Variants in GOLGB1 observed in about 807,000 individuals in gnomAD.
The protein encoded by GOLGB1 is golgin subfamily B member 1.
A neutral mutation model predicts 336.9 loss-of-function variants in GOLGB1; 174 were observed. That is an observed-to-expected ratio of 0.52 (90% CI 0.46 to 0.59). The LOEUF (loss-of-function observed/expected upper bound fraction) is 0.59. GOLGB1 is among the 20% of genes least tolerant of loss of function. The pLI is 0.00. For synonymous variants in GOLGB1, 1,208 were observed against 1,289.2 expected (o/e 0.94, Z 1.35); for missense variants, 3,331 against 3,645.3 (o/e 0.91, Z 2.22).
chr3:121,716,703 G>A (rs1037308350), intron 9 of GOLGB1, 34 bp downstream of exon 9: 1 of 1,528,394 alleles, frequency 6.5e-7, no homozygotes, highest in Non-Finnish European at 8.9e-7. Context: ...TCAGATGGTA[G>A]AGATGTGGAC....
At chr3:121,701,777 A>G (rs1943432518) in intron 11 of GOLGB1, among the ~76,000 whole-genome samples, 1 of 152,168 alleles carries the variant, frequency 6.6e-6, no homozygotes, top group Non-Finnish European at 1.5e-5. Context: ...AAGATGGAAA[A>G]AAAAATGGCC....
rs375260639 is a variant in GOLGB1 at position 121,722,390 on chromosome 3, G to A, written c.532-12C>T. ...ATCTCTGTAGAACTCTTATCAAACCGAAGACATAGAAGGAAAAAAAATTAT... is the reference window on the plus strand; with the variant it reads ...ATCTCTGTAGAACTCTTATCAAACCAAAGACATAGAAGGAAAAAAAATTAT... On this transcript the variant is annotated splice_polypyrimidine_tract_variant and intron_variant, in intron 5 of 21. Transcript: ENST00000614479. The A allele has an allele frequency of 2.8e-4, 377 of 1,365,862 alleles. No individual in the cohort carries two copies. The highest frequency in any genetic ancestry group is 3.7e-4 in the Non-Finnish European group (358 of 957,026). 84.6% of individuals were successfully genotyped at this position (1,365,862 alleles called of 1,614,324 possible).
At chr3:121,722,773 A>G (rs1392466278) in intron 5 of GOLGB1, among the ~76,000 whole-genome samples, 1 of 152,238 alleles carries the variant, frequency 6.6e-6, no homozygotes, top group East Asian at 1.9e-4. Flanking sequence ...GAAGGCAGCA[A>G]AAGAGTGAAA....
chr3:121,692,626 A>C, intron 13 of GOLGB1, 45 bp from the exon 14 acceptor site: 1 of 1,166,554 alleles, frequency 8.6e-7, no homozygotes, highest in Non-Finnish European at 1.2e-6. Context: ...CAAGAAAAAA[A>C]CTGTGTTTCC....
In GOLGB1 at chr3:121,749,017, T is replaced by A. The variant is rs555290218; in HGVS notation, c.-3+615A>T. 8.1e-5 allele frequency: 47 copies of A among 580,084 alleles called. No homozygotes were observed. The South Asian group carries it at 2.8e-3, about 35-fold the overall frequency. 35.9% of individuals were successfully genotyped at this position (580,084 alleles called of 1,614,324 possible). A position where few individuals can be genotyped will look rare whatever the true frequency, so the allele number is the denominator to read the frequency against. On this transcript the variant is annotated intron_variant, in intron 1 of 21. Transcript: ENST00000614479. The stretch of plus-strand genomic sequence containing the variant: ...CTCTAACAGCCTGCCCACCTCTGAT[T>A]CCTGGGATTTTCGTGTTGACGGGAT...
chr3:121,694,235 T>G lies in GOLGB1; in HGVS notation c.6288A>C (p.Ala2096=). The change falls in exon 13 of 22, where the codon GCA becomes GCC. Residue 2096 remains alanine (A), a synonymous_variant. Transcript: ENST00000614479. ...TGAGATTGTCTGCTAGGACCCTTGC[T>G]GCTTCACTTTGAGTGTCATCTAGCA... ...KVLLDDTQSE[A]ARVLADNLKL... The G allele has an allele frequency of 6.2e-7, 1 of 1,611,064 alleles. No individual in the cohort carries two copies. Among genetic ancestry groups the G allele is most frequent in the Non-Finnish European group, 8.5e-7 (1 of 1,180,018 alleles).
chr3:121,706,046 G>A (rs544724937), intron 10 of GOLGB1, among the ~76,000 whole-genome samples: 2 of 151,672 alleles, frequency 1.3e-5, no homozygotes, highest in South Asian at 4.2e-4. Context: ...AGAAACAAAG[G>A]AGAATCACTT....
intron 1 of GOLGB1, among the ~76,000 whole-genome samples, chr3:121,736,760 C>T (rs1186057529): frequency 6.6e-6 from 1 of 151,964 alleles, no homozygotes; most frequent in East Asian, 1.9e-4. Context: ...AAAAATTAGC[C>T]GGGTGTGGTG....
At chr3:121,747,842 T>G (rs1947476076) in intron 1 of GOLGB1, among the ~76,000 whole-genome samples, 1 of 152,098 alleles carries the variant, frequency 6.6e-6, no homozygotes, top group Non-Finnish European at 1.5e-5. Context: ...TAAATTTCCT[T>G]TTATCAAAAG....
chr3:121,672,900 T>C (rs893588934), intron 17 of GOLGB1, among the ~76,000 whole-genome samples: 1 of 152,222 alleles, frequency 6.6e-6, no homozygotes, highest in Non-Finnish European at 1.5e-5. Flanking sequence ...TTCTCCATCA[T>C]ATGTTCTTGG....
intron 1 of GOLGB1, among the ~76,000 whole-genome samples, chr3:121,738,239 C>A (rs1274453999): frequency 6.6e-6 from 1 of 152,092 alleles, no homozygotes; most frequent in Non-Finnish European, 1.5e-5. Context: ...TTTTTCAGAC[C>A]ACTTTGGAAC....
chr3:121,732,731 A>G (rs1442780873), intron 1 of GOLGB1, among the ~76,000 whole-genome samples: 1 of 152,166 alleles, frequency 6.6e-6, no homozygotes, highest in African/African-American at 2.4e-5. Context: ...AATTTCCTCA[A>G]CCTAATAAAG....
chr3:121,688,068 C>A (rs1941942741), intron 14 of GOLGB1, among the ~76,000 whole-genome samples: 1 of 152,170 alleles, frequency 6.6e-6, no homozygotes, highest in Non-Finnish European at 1.5e-5. Flanking sequence ...GGAATGAATA[C>A]AATTACCTAC....
At chr3:121,667,872 G>C (rs1413035837) in intron 19 of GOLGB1, among the ~76,000 whole-genome samples, 189 bp downstream of exon 19, 2 of 152,116 alleles carry the variant, frequency 1.3e-5, no homozygotes, top group African/African-American at 4.8e-5. Flanking sequence ...TGCTCTTTTT[G>C]TTTTACAAAC....
At chr3:121,690,100 A>G (rs372995693) in intron 14 of GOLGB1, among the ~76,000 whole-genome samples, 40 of 152,372 alleles carry the variant, frequency 2.6e-4, no homozygotes, top group Middle Eastern at 3.4e-3. Flanking sequence ...TAAATGGTTC[A>G]GCCTGCAAAT....
At chr3:121,706,065 G>C (rs952856741) in intron 10 of GOLGB1, among the ~76,000 whole-genome samples, 1 of 151,690 alleles carries the variant, frequency 6.6e-6, no homozygotes, top group Non-Finnish European at 1.5e-5. Flanking sequence ...TTGAACCCCG[G>C]AGGCAGAGGT....
At chr3:121,677,834 A>G (rs1222988393) in intron 15 of GOLGB1, among the ~76,000 whole-genome samples, 1 of 152,212 alleles carries the variant, frequency 6.6e-6, no homozygotes, top group Non-Finnish European at 1.5e-5. Flanking sequence ...ATGTGGAGAT[A>G]AGATGAGAGG....
At chr3:121,678,974 T>C (rs1034555384) in intron 15 of GOLGB1, among the ~76,000 whole-genome samples, 2 of 152,108 alleles carry the variant, frequency 1.3e-5, no homozygotes, top group Non-Finnish European at 2.9e-5. Context: ...GGGATTAAAT[T>C]TGTCAGAAAA....
At position 121,718,472 on chromosome 3, in the gene GOLGB1, C is replaced by A; in HGVS notation, c.801G>T (p.Glu267Asp). ...QKLRVLQRKLEEHEESLVGRA... is the reference protein window; with the variant it reads ...QKLRVLQRKLDEHEESLVGRA... ...GGCCCACCAAGGATTCTTCGTGTTC[C>A]TCAAGCTTCCTTTGCAGCACCCTCA... Residue 267 changes from glutamate (E) to aspartate (D), a missense_variant, in exon 8 of 22, where the codon GAG becomes GAT. Physicochemically the swap from Glu to Asp is conservative, Grantham distance 45. Coordinates refer to ENST00000614479, the MANE Select transcript of GOLGB1 (RefSeq NM_001366282.2). 1 of 1,613,710 alleles carries A rather than the reference C, an allele frequency of 6.2e-7. No homozygotes were observed. Among genetic ancestry groups the A allele is most frequent in the South Asian group, 1.1e-5 (1 of 91,064 alleles).
Sources: gnomAD v4.1 joint callset for allele counts (sites outside exome capture counted in the v4.1 genomes callset) on GRCh38, gnomAD v4.1.1 for gene constraint, MANE v1.5 for transcripts, NCBI Gene and HGNC (gene_info 2026-07-23, HGNC 2026-07-21) for gene names.